MTHFS: variants seen among roughly 807,000 people sequenced by gnomAD.
MTHFS encodes 5-formyltetrahydrofolate cyclo-ligase.
In MTHFS, 7 loss-of-function variants were observed where a neutral mutation model predicts 12.7. That is an observed-to-expected ratio of 0.55 (90% CI 0.31 to 1.03). The LOEUF is 1.03. MTHFS is among the 50% of genes least tolerant of loss of function. MTHFS has a pLI of 0.05. For missense variants in MTHFS, 252 were observed against 258.1 expected, an observed-to-expected ratio of 0.98 and a Z score of 0.16; for synonymous variants, 100 against 97.1, an observed-to-expected ratio of 1.03 and a Z score of -0.18.
intron 2 of MTHFS, among the ~76,000 whole-genome samples, chr15:79,880,336 T>C (rs1383512656): frequency 3.9e-5 from 6 of 152,056 alleles, no homozygotes; most frequent in Non-Finnish European, 8.8e-5. Flanking sequence ...TTCCTCAGCC[T>C]CCTGAAGTGC....
At chr15:79,871,106 C>G (rs1369105504) in intron 2 of MTHFS, among the ~76,000 whole-genome samples, 1 of 151,868 alleles carries the variant, frequency 6.6e-6, no homozygotes, top group African/African-American at 2.4e-5. Context: ...TTGCTCCATT[C>G]GACTCCAGCC....
intron 2 of MTHFS, among the ~76,000 whole-genome samples, chr15:79,881,445 T>C (rs938862972): frequency 6.6e-6 from 1 of 152,094 alleles, no homozygotes; most frequent in East Asian, 1.9e-4. Context: ...CTGCAAAAGA[T>C]AAAATAGACA....
intron 2 of MTHFS, among the ~76,000 whole-genome samples, chr15:79,848,899 T>C (rs2033664710): frequency 6.6e-6 from 1 of 152,132 alleles, no homozygotes; most frequent in African/African-American, 2.4e-5. Context: ...CCCTGAAAAA[T>C]GAATATTTTG....
At chr15:79,879,969 T>C (rs1463984957) in intron 2 of MTHFS, among the ~76,000 whole-genome samples, 1 of 152,260 alleles carries the variant, frequency 6.6e-6, no homozygotes. Context: ...CCCAAAGTAA[T>C]GACATGGGCA....
intron 2 of MTHFS, among the ~76,000 whole-genome samples, chr15:79,887,684 G>A (rs1245860634): frequency 2.6e-5 from 4 of 152,110 alleles, no homozygotes; most frequent in African/African-American, 9.7e-5. Flanking sequence ...GATAAACCTA[G>A]GCTGCTCTCC....
intron 1 of MTHFS, among the ~76,000 whole-genome samples, chr15:79,893,219 A>T (rs1233245828): frequency 6.6e-6 from 1 of 151,466 alleles, no homozygotes; most frequent in Admixed American, 6.6e-5. Flanking sequence ...CCGGGCCAAG[A>T]TGATGAAACC....
chr15:79,856,180 T>C (rs1318968733), intron 2 of MTHFS, among the ~76,000 whole-genome samples: 14 of 152,202 alleles, frequency 9.2e-5, no homozygotes, highest in Admixed American at 7.9e-4. Context: ...CCAGCATTTG[T>C]TATTTTTTGA....
Position 79,878,958 on chromosome 15 carries a change from C to T in MTHFS, c.379+10135G>A, listed in dbSNP as rs1171002597. Among the ~76,000 whole-genome samples, 3 of 151,496 alleles carry T rather than the reference C, an allele frequency of 2.0e-5. 1 individual carries two copies. Among genetic ancestry groups the T allele is most frequent in the African/African-American group, 7.3e-5 (3 of 41,136 alleles). On this transcript the variant is annotated intron_variant, in intron 2 of 2. Transcript: ENST00000258874. The stretch of plus-strand genomic sequence containing the variant: ...ATGGAATTATATAAGAGCAAAGTTG[C>T]TGTATTTTACTGGAGTCAGATGAAT...
At chr15:79,866,340 C>T (rs1016905784) in intron 2 of MTHFS, among the ~76,000 whole-genome samples, 7 of 152,084 alleles carry the variant, frequency 4.6e-5, no homozygotes, top group African/African-American at 1.7e-4. Flanking sequence ...AAAACAGTTA[C>T]CTGATGGAAG....
intron 2 of MTHFS, among the ~76,000 whole-genome samples, chr15:79,875,230 C>T (rs553830585): frequency 2.6e-4 from 39 of 151,662 alleles, no homozygotes; most frequent in Middle Eastern, 3.4e-3. Context: ...TGGCTTCAGC[C>T]GGTCCCTCCG....
chr15:79,849,977 G>A (rs1338408253), intron 2 of MTHFS, among the ~76,000 whole-genome samples: 1 of 152,238 alleles, frequency 6.6e-6, no homozygotes, highest in African/African-American at 2.4e-5. Flanking sequence ...GTGCCCTCTG[G>A]AGGCAGTCTG....
intron 2 of MTHFS, among the ~76,000 whole-genome samples, chr15:79,859,426 A>G (rs1311122481): frequency 6.6e-6 from 1 of 152,250 alleles, no homozygotes; most frequent in Non-Finnish European, 1.5e-5. Flanking sequence ...ATCCAGATAC[A>G]CACCCAAACA....
chr15:79,856,616 G>A (rs1338294352), intron 2 of MTHFS, among the ~76,000 whole-genome samples: 3 of 152,156 alleles, frequency 2.0e-5, no homozygotes, highest in Admixed American at 1.3e-4. Context: ...TGAAGAAAGG[G>A]GGGAAAGAAG....
At position 79,889,118 on chromosome 15, in the gene MTHFS, A is replaced by G; in HGVS notation, c.354T>C (p.Asp118=). 6.2e-7 allele frequency: 1 copy of G among 1,614,182 alleles called. No individual in the cohort carries two copies. The highest frequency in any genetic ancestry group is 8.5e-7 in the Non-Finnish European group (1 of 1,180,018). The part of the protein sequence containing the change: ...SWNIPQPGEG[D]VREEALSTGG... ...CTGTGGACAAGGCCTCCTCCCGAAC[A>G]TCACCCTCACCAGGCTGAGGGATAT... Residue 118 remains aspartate (D), a synonymous_variant, in exon 2 of 3, where the codon GAT becomes GAC. Coordinates refer to ENST00000258874, the MANE Select transcript of MTHFS (RefSeq NM_006441.4).
intron 2 of MTHFS, among the ~76,000 whole-genome samples, chr15:79,858,302 G>T (rs1035715241): frequency 3.4e-4 from 52 of 152,186 alleles, no homozygotes; most frequent in African/African-American, 1.2e-3. Context: ...AATAATGTAA[G>T]TTCCAAGGTA....
chr15:79,883,063 G>A (rs2034323362), intron 2 of MTHFS, among the ~76,000 whole-genome samples: 1 of 152,168 alleles, frequency 6.6e-6, no homozygotes, highest in Non-Finnish European at 1.5e-5. Context: ...AATTAGTCAG[G>A]CATGGTAGTG....
intron 2 of MTHFS, among the ~76,000 whole-genome samples, chr15:79,880,397 G>A (rs1040598601): frequency 5.3e-5 from 8 of 151,694 alleles, no homozygotes; most frequent in African/African-American, 1.9e-4. Context: ...GTTTATTTAT[G>A]GATAATAATC....
intron 2 of MTHFS, among the ~76,000 whole-genome samples, chr15:79,851,861 T>C (rs1179011994): frequency 1.3e-5 from 2 of 152,072 alleles, no homozygotes; most frequent in Non-Finnish European, 2.9e-5. Flanking sequence ...ATCTTAGAGG[T>C]AGTACAGGAG....
intron 2 of MTHFS, among the ~76,000 whole-genome samples, chr15:79,856,466 T>A (rs1426260955): frequency 6.6e-6 from 1 of 152,196 alleles, no homozygotes; most frequent in Non-Finnish European, 1.5e-5. Context: ...ATACCTTGTT[T>A]ATCTGTGTGA....
Sources: gnomAD v4.1 joint callset for allele counts (sites outside exome capture counted in the v4.1 genomes callset) on GRCh38, gnomAD v4.1.1 for gene constraint, MANE v1.5 for transcripts, NCBI Gene and HGNC (gene_info 2026-07-23, HGNC 2026-07-21) for gene names.